FBXW2: variants seen among roughly 807,000 people sequenced by gnomAD.
FBXW2 encodes F-box/WD repeat-containing protein 2.
In FBXW2, 12 loss-of-function variants were observed where a neutral mutation model predicts 46.0. The observed-to-expected ratio is 0.26, with a 90% CI of 0.17 to 0.42. FBXW2 has a LOEUF of 0.42. Among genes scored for constraint, FBXW2 ranks in the 10% least tolerant of loss-of-function variants. The pLI is 1.00. For missense variants in FBXW2, 360 were observed against 537.0 expected (o/e 0.67, Z 3.26); for synonymous variants, 203 against 209.6 (o/e 0.97, Z 0.27).
chr9:120,758,335 G>A lies in FBXW2; in HGVS notation c.*6224C>T, dbSNP rs2044151147. 1 of 152,188 alleles carries A rather than the reference G, an allele frequency of 6.6e-6. No individual in the cohort carries two copies. The highest frequency in any genetic ancestry group is 2.4e-5 in the African/African-American group (1 of 41,444). The allele number at this position is 152,188 out of a possible 1,614,324, so 9.4% of individuals were successfully genotyped here. A position where few individuals can be genotyped will look rare whatever the true frequency, so the allele number is the denominator to read the frequency against. On this transcript the variant is annotated 3_prime_UTR_variant, in exon 8 of 8. Transcript: ENST00000608872. The stretch of plus-strand genomic sequence containing the variant: ...GATTAACACCCAAAGCGCAAGGGTG[G>A]AAATAAATAGAGGAGCAAGAACTGT...
In FBXW2 at chr9:120,757,545, T is replaced by A. The variant is rs933401605; in HGVS notation, c.*7014A>T. 6.6e-6 allele frequency: 1 copy of A among 152,156 alleles called. No homozygotes were observed. Among genetic ancestry groups the A allele is most frequent in the African/African-American group, 2.4e-5 (1 of 41,436 alleles). The allele number at this position is 152,156 out of a possible 1,614,324, so 9.4% of individuals were successfully genotyped here. A position where few individuals can be genotyped will look rare whatever the true frequency, so the allele number is the denominator to read the frequency against. ...GAAGGAAAATTACAAAATATTATGG[T>A]AGTTGTAAAAACCTAAAGCACATTT... On this transcript the variant is annotated 3_prime_UTR_variant, in exon 8 of 8. Transcript: ENST00000608872.
chr9:120,776,504 TCCTTCTTAGGACTG>T (rs2044499909), intron 4 of FBXW2: 1 of 361,234 alleles, frequency 2.8e-6, no homozygotes, highest in Admixed American at 4.4e-5. Flanking sequence ...ATAATGGCAT[TCCTTCTTAGGACTG>T]CCTGCCTGAC....
chr9:120,773,160 C>T (rs114016677), intron 5 of FBXW2, among the ~76,000 whole-genome samples: 1,616 of 151,010 alleles, frequency 0.011, 18 homozygotes, highest in African/African-American at 0.037. Flanking sequence ...GCACTCCAAC[C>T]TGGGCAACAG....
rs1375953018 is a variant in FBXW2, at chr9:120,757,471, C to T, written c.*7088G>A. On this transcript the variant is annotated 3_prime_UTR_variant, in exon 8 of 8. Transcript: ENST00000608872. ...ATCTTCTAAAAAGCAGAACTGGAAA[C>T]TACCTAATTATCTACCAAAACAGAA... 6.6e-6 allele frequency: 1 copy of T among 152,182 alleles called. No homozygotes were observed. Among genetic ancestry groups the T allele is most frequent in the Non-Finnish European group, 1.5e-5 (1 of 68,044 alleles). The allele number at this position is 152,182 out of a possible 1,614,324, so 9.4% of individuals were successfully genotyped here.
At chr9:120,765,417 A>G (rs1306803610) in intron 7 of FBXW2, among the ~76,000 whole-genome samples, 1 of 152,206 alleles carries the variant, frequency 6.6e-6, no homozygotes, top group East Asian at 1.9e-4. Context: ...ATAAAAGTAC[A>G]AAACATCTAT....
chr9:120,774,506 T>C (rs987209332), intron 5 of FBXW2, among the ~76,000 whole-genome samples: 8 of 152,142 alleles, frequency 5.3e-5, no homozygotes, highest in African/African-American at 1.7e-4. Context: ...AATGAGACCC[T>C]GTCTGTATTA....
chr9:120,769,648 T>G (rs955724575), intron 7 of FBXW2, among the ~76,000 whole-genome samples: 2 of 152,222 alleles, frequency 1.3e-5, no homozygotes, highest in Non-Finnish European at 2.9e-5. Context: ...ATATTTTGCT[T>G]TACAAAATAT....
rs74340830 is a variant in FBXW2, at chr9:120,765,025, G to A, written c.1077-178C>T. On this transcript the variant is annotated intron_variant, in intron 7 of 7. Coordinates refer to ENST00000608872, the MANE Select transcript of FBXW2 (RefSeq NM_012164.4). Reference sequence around the variant, plus strand: ...AGCTCAGCCCACTTATAAAAAAGCCGGGAGCGGGAGAGGTGCGTTCAGTCA... The same window carrying A: ...AGCTCAGCCCACTTATAAAAAAGCCAGGAGCGGGAGAGGTGCGTTCAGTCA... Among the ~76,000 whole-genome samples the A allele has an allele frequency of 2.4e-4, 37 of 152,000 alleles. No homozygotes were observed. The East Asian group carries it at 6.0e-3, about 25-fold the overall frequency.
intron 3 of FBXW2, among the ~76,000 whole-genome samples, 175 bp downstream of exon 3, chr9:120,787,594 C>G (rs192645756): frequency 1.0e-3 from 156 of 152,112 alleles, no homozygotes; most frequent in Non-Finnish European, 1.7e-3. Flanking sequence ...TGATTGTGTT[C>G]TCTAGAGAGA....
intron 2 of FBXW2, chr9:120,792,617 A>G (rs1303823157): frequency 9.8e-6 from 2 of 204,766 alleles, no homozygotes; most frequent in African/African-American, 4.7e-5. Flanking sequence ...AATAATGTTT[A>G]TAAAATATGT....
intron 3 of FBXW2, among the ~76,000 whole-genome samples, chr9:120,781,932 A>G (rs1348397427): frequency 1.3e-5 from 2 of 151,572 alleles, no homozygotes; most frequent in African/African-American, 4.9e-5. Flanking sequence ...CTAAGACAGA[A>G]GAATTGCTTG....
rs2044889339 is a variant in FBXW2, at chr9:120,793,166, G to C, written c.-38C>G. 2 of 578,192 alleles carry C rather than the reference G, an allele frequency of 3.5e-6. No individual in the cohort carries two copies. The highest frequency in any genetic ancestry group is 6.1e-6 in the Non-Finnish European group (2 of 329,156). The allele number at this position is 578,192 out of a possible 1,614,324, so 35.8% of individuals were successfully genotyped here. On this transcript the variant is annotated 5_prime_UTR_variant, in exon 2 of 8. Coordinates refer to ENST00000608872, the MANE Select transcript of FBXW2 (RefSeq NM_012164.4). ...GCACTGACCTGAGCGAGCGCCCCGG[G>C]GCCCGGGACCTCGCGCCGGGTTCAC...
At chr9:120,790,719 T>C (rs2044820319) in intron 2 of FBXW2, among the ~76,000 whole-genome samples, 1 of 152,174 alleles carries the variant, frequency 6.6e-6, no homozygotes, top group Non-Finnish European at 1.5e-5. Flanking sequence ...CAGGTTCCCA[T>C]CATTCACAAA....
Position 120,771,485 on chromosome 9 carries a change from C to A in FBXW2, c.939G>T (p.Lys313Asn), listed in dbSNP as rs1465276936. Residue 313 changes from lysine (K) to asparagine (N), a missense_variant, in exon 7 of 8, where the codon AAG becomes AAT. By Grantham distance (94) the Lys-to-Asn change is moderately conservative. Coordinates refer to ENST00000608872, the MANE Select transcript of FBXW2 (RefSeq NM_012164.4). ...IWPIGREINC[K>N]CLKTLSVSED... ...CAGAGACAGACAATGTCTTTAAGCA[C>A]TTACAGTTGATTTCTCTCCCAATTG... 1 of 1,612,618 alleles carries A rather than the reference C, an allele frequency of 6.2e-7. No individual in the cohort carries two copies. Among genetic ancestry groups the A allele is most frequent in the African/African-American group, 1.3e-5 (1 of 74,856 alleles).
Position 120,762,314 on chromosome 9 carries a change from T to A in FBXW2, c.*2245A>T, listed in dbSNP as rs972068027. On this transcript the variant is annotated 3_prime_UTR_variant, in exon 8 of 8. Transcript: ENST00000608872. ...AAGATCGTGCCATTGCACTCCAGCC[T>A]GCGCAGTAAGAGCGAAACTCTGTCT... The A allele has an allele frequency of 2.6e-5, 4 of 151,196 alleles. No individual in the cohort carries two copies. The highest frequency in any genetic ancestry group is 2.9e-5 in the Non-Finnish European group (2 of 67,922). 9.4% of individuals were successfully genotyped at this position (151,196 alleles called of 1,614,324 possible).
At chr9:120,789,761 G>A (rs1289934921) in intron 2 of FBXW2, among the ~76,000 whole-genome samples, 1 of 152,190 alleles carries the variant, frequency 6.6e-6, no homozygotes, top group Non-Finnish European at 1.5e-5. Context: ...GAGTAAAATT[G>A]TAAGTGTCCA....
At position 120,764,486 on chromosome 9, in the gene FBXW2, G is replaced by T; in HGVS notation, c.*73C>A. The T allele has an allele frequency of 6.6e-7, 1 of 1,505,334 alleles. No individual in the cohort carries two copies. The highest frequency in any genetic ancestry group is 9.1e-7 in the Non-Finnish European group (1 of 1,103,990). 93.2% of individuals were successfully genotyped at this position (1,505,334 alleles called of 1,614,324 possible). A position where few individuals can be genotyped will look rare whatever the true frequency, so the allele number is the denominator to read the frequency against. On this transcript the variant is annotated 3_prime_UTR_variant, in exon 8 of 8. Transcript: ENST00000608872. The stretch of plus-strand genomic sequence containing the variant: ...GTGAGAACTTTGGTTCATGCAGTCG[G>T]CTGCCGCAGAGGTTGCACCCAAAAC...
intron 7 of FBXW2, among the ~76,000 whole-genome samples, chr9:120,767,067 T>C (rs143935501): frequency 7.9e-4 from 120 of 152,334 alleles, no homozygotes; most frequent in African/African-American, 2.6e-3. Context: ...CTGTCTTTTA[T>C]AGCTGGACCT....
chr9:120,788,823 GTT>G (rs990384727), intron 2 of FBXW2, among the ~76,000 whole-genome samples: 6 of 152,300 alleles, frequency 3.9e-5, no homozygotes, highest in African/African-American at 1.2e-4. Context: ...TGACTACTTG[GTT>G]TTGCAACAGA....
Sources: allele counts gnomAD v4.1 joint callset (sites outside exome capture counted in the v4.1 genomes callset), GRCh38; gene constraint gnomAD v4.1.1; transcripts MANE v1.5; gene names NCBI Gene and HGNC (gene_info 2026-07-23, HGNC 2026-07-21).